The following EP300 variants were observed in gnomAD, a reference collection of about 807,000 sequenced individuals.
The protein encoded by EP300 is EP300 lysine acetyltransferase.
EP300 carries 31 observed loss-of-function variants against 264.0 expected under a neutral mutation model. The ratio of observed to expected loss-of-function variants is 0.12; its 90% CI spans 0.09 to 0.16. The LOEUF is 0.16. Among genes scored for constraint, EP300 ranks in the 10% least tolerant of loss-of-function variants. EP300 has a pLI of 1.00. For synonymous variants in EP300, 1,340 were observed against 1,045.4 expected (o/e 1.28, Z -5.44); for missense variants, 2,766 against 3,052.9 (o/e 0.91, Z 2.21).
Position 41,135,858 on chromosome 22 carries a change from C to A in EP300, c.1574C>A (p.Pro525Gln). 6.2e-7 allele frequency: 1 copy of A among 1,614,030 alleles called. No homozygotes were observed. The change falls in exon 7 of 31, where the codon CCG (proline) becomes CAG (glutamine). Residue 525 changes from proline to glutamine, a missense_variant. Physicochemically the swap from Pro to Gln is moderately conservative, Grantham distance 76 (BLOSUM62 -1). Transcript: ENST00000263253. ...GVNGGVGVQT[P>Q]SLLSDSMLHS... ...AATGGAGGTGTAGGAGTTCAAACGC[C>A]GAGTCTTCTTTCTGACTCAATGTTG...
intron 14 of EP300, among the ~76,000 whole-genome samples, 195 bp downstream of exon 14, chr22:41,150,393 A>G (rs1186530095): frequency 6.6e-6 from 1 of 152,198 alleles, no homozygotes; most frequent in Non-Finnish European, 1.5e-5. Context: ...GCAGGAGCAT[A>G]AAGATTTTAT....
chr22:41,179,109 C>T lies in EP300; in HGVS notation c.*153C>T. The stretch of plus-strand genomic sequence containing the variant: ...TGCAGTAGCCGTTTGTGGTTTAAAG[C>T]AAACATGCAAGATGAACCTGAGGGA... On this transcript the variant is annotated 3_prime_UTR_variant, in exon 31 of 31. Transcript: ENST00000263253. 1 of 812,748 alleles carries T rather than the reference C, an allele frequency of 1.2e-6. No individual in the cohort carries two copies. Among genetic ancestry groups the T allele is most frequent in the Non-Finnish European group, 1.9e-6 (1 of 522,336 alleles). 50.3% of individuals were successfully genotyped at this position (812,748 alleles called of 1,614,324 possible).
chr22:41,154,718 G>A (rs999476898), intron 16 of EP300, among the ~76,000 whole-genome samples: 5 of 152,056 alleles, frequency 3.3e-5, no homozygotes, highest in Non-Finnish European at 5.9e-5. Context: ...CTAATTGACC[G>A]AGTCTGTCTT....
Position 41,160,660 on chromosome 22 carries a change from G to T in EP300, c.3609G>T (p.Lys1203Asn). The change falls in exon 20 of 31, where the codon AAG (lysine) becomes AAT (asparagine). Residue 1203 changes from lysine (K) to asparagine (N), a missense_variant. Coordinates refer to ENST00000263253, the MANE Select transcript of EP300 (RefSeq NM_001429.4). Reference sequence around the variant, plus strand: ...CCGACAGGTATCATTTCTGTGAGAAGTGTTTCAATGAGATCCAAGGGGAGA... The same window carrying T: ...CCGACAGGTATCATTTCTGTGAGAATTGTTTCAATGAGATCCAAGGGGAGA... ...SYQNRYHFCE[K>N]CFNEIQGESV... 1 of 1,614,084 alleles carries T rather than the reference G, an allele frequency of 6.2e-7. No homozygotes were observed. The highest frequency in any genetic ancestry group is 8.5e-7 in the Non-Finnish European group (1 of 1,179,970).
intron 2 of EP300, among the ~76,000 whole-genome samples, chr22:41,125,322 G>A (rs2145706554): frequency 1.3e-5 from 2 of 151,772 alleles, no homozygotes. Flanking sequence ...GTTTCACCAT[G>A]TTAGCCAGGA....
At chr22:41,146,112 A>C (rs1170015986) in intron 10 of EP300, among the ~76,000 whole-genome samples, 2 of 151,894 alleles carry the variant, frequency 1.3e-5, no homozygotes, top group Non-Finnish European at 2.9e-5. Context: ...TTGCATGCCA[A>C]CCAGACTCAG....
rs779436208 is a variant in EP300, at chr22:41,177,994, T to C, written c.6283T>C (p.Ser2095Pro). Residue 2095 changes from serine to proline, a missense_variant, in exon 31 of 31, where the codon TCT (serine) becomes CCT (proline). Physicochemically the swap from Ser to Pro is moderately conservative, Grantham distance 74 (BLOSUM62 -1). Transcript: ENST00000263253. ...IKQRAAKYANSNPQPIPGQPG... is the reference protein window; with the variant it reads ...IKQRAAKYANPNPQPIPGQPG... ...GCAGCGGGCTGCCAAGTATGCCAAC[T>C]CTAATCCACAACCCATCCCTGGGCA... is the stretch of plus-strand genomic sequence containing the variant. 2.2e-5 allele frequency: 36 copies of C among 1,613,976 alleles called. No homozygotes were observed. Among genetic ancestry groups the C allele is most frequent in the Non-Finnish European group, 3.1e-5 (36 of 1,180,008 alleles).
rs2145524514 is a variant in EP300, at chr22:41,178,882, A to G, written c.7171A>G (p.Thr2391Ala). Residue 2391 changes from threonine (T) to alanine (A), a missense_variant, in exon 31 of 31, where the codon ACG becomes GCG. Coordinates refer to ENST00000263253, the MANE Select transcript of EP300 (RefSeq NM_001429.4). ...GGCAAACCTCCATGGTGCAAGCGCC[A>G]CGGACCTGGGACTCAGCACCGATAA... ...GMANLHGASA[T>A]DLGLSTDNSD... The G allele has an allele frequency of 6.2e-7, 1 of 1,614,242 alleles. No individual in the cohort carries two copies. Among genetic ancestry groups the G allele is most frequent in the Non-Finnish European group, 8.5e-7 (1 of 1,180,046 alleles).
In EP300 at chr22:41,160,429, A is replaced by AAC. The variant is rs2059101563; in HGVS notation, c.3591-211_3591-210dup. 1.2e-5 allele frequency: 6 copies of AAC among 520,480 alleles called. No individual in the cohort carries two copies. The South Asian group carries it at 1.4e-4, about 12-fold the overall frequency. 32.2% of individuals were successfully genotyped at this position (520,480 alleles called of 1,614,324 possible). Reference sequence around the variant, plus strand: ...ACTTGGCTTTGATTGCAAAAAAAAAAACAAAAAAAAACAAAAAAACAAACA... The same window carrying AAC: ...ACTTGGCTTTGATTGCAAAAAAAAAAACACAAAAAAAAACAAAAAAACAAACA... On this transcript the variant is annotated intron_variant, in intron 19 of 30. Coordinates refer to ENST00000263253, the MANE Select transcript of EP300 (RefSeq NM_001429.4).
intron 1 of EP300, among the ~76,000 whole-genome samples, chr22:41,114,502 G>A (rs2058810879): frequency 6.6e-6 from 1 of 152,168 alleles, no homozygotes; most frequent in South Asian, 2.1e-4. Context: ...TGATGGAGGA[G>A]CCCATATGAT....
intron 20 of EP300, 59 bp downstream of exon 20, chr22:41,160,781 C>A (rs2145752768): frequency 6.9e-7 from 1 of 1,455,924 alleles, no homozygotes. Context: ...TGATTATGCA[C>A]AGCTTATTTC....
chr22:41,135,946 A>G, intron 7 of EP300, 40 bp downstream of exon 7: 2 of 1,400,232 alleles, frequency 1.4e-6, no homozygotes, highest in Non-Finnish European at 1.0e-6. Flanking sequence ...TCACATTACA[A>G]ATACTACTGG....
chr22:41,118,186 T>C (rs908350690), intron 2 of EP300, among the ~76,000 whole-genome samples: 4 of 152,302 alleles, frequency 2.6e-5, no homozygotes, highest in Middle Eastern at 3.4e-3. Flanking sequence ...TCCTATTGCT[T>C]TGAATGTCCC....
intron 1 of EP300, among the ~76,000 whole-genome samples, chr22:41,114,160 C>T (rs1034873390): frequency 6.6e-6 from 1 of 152,034 alleles, no homozygotes; most frequent in Non-Finnish European, 1.5e-5. Context: ...AGTTTTGTTA[C>T]ACATTTGGGT....
intron 1 of EP300, among the ~76,000 whole-genome samples, chr22:41,112,564 G>A: frequency 6.6e-6 from 1 of 152,090 alleles, no homozygotes; most frequent in East Asian, 1.9e-4. Flanking sequence ...AGATGTTCTG[G>A]TGTCCCCTGG....
At position 41,092,937 on chromosome 22, in the gene EP300, C is replaced by T. The variant is rs1290550129; in HGVS notation, c.-68C>T. On this transcript the variant is annotated 5_prime_UTR_variant, in exon 1 of 31. Coordinates refer to ENST00000263253, the MANE Select transcript of EP300 (RefSeq NM_001429.4). The stretch of plus-strand genomic sequence containing the variant: ...CCACCCCTGGGTGCGGCGCGGGGAC[C>T]CCGGGCCGAAGAAGAGATTTCCTGA... 5 of 1,588,798 alleles carry T rather than the reference C, an allele frequency of 3.1e-6. No individual in the cohort carries two copies. Among genetic ancestry groups the T allele is most frequent in the Admixed American group, 3.3e-5 (2 of 59,982 alleles).
intron 3 of EP300, among the ~76,000 whole-genome samples, chr22:41,127,186 T>C (rs1382935718): frequency 2.0e-5 from 3 of 152,196 alleles, no homozygotes; most frequent in African/African-American, 4.8e-5. Flanking sequence ...GGGTGTGCTT[T>C]TAACTACAGA....
At position 41,162,712 on chromosome 22, in the gene EP300, T is replaced by G. The variant is rs2145754763; in HGVS notation, c.3672-11T>G. The G allele has an allele frequency of 6.2e-7, 1 of 1,606,518 alleles. No individual in the cohort carries two copies. The highest frequency in any genetic ancestry group is 1.1e-5 in the South Asian group (1 of 90,910). Reference sequence around the variant, plus strand: ...TCACTTTTTCTCATTGTGTCCCTTTTCTCTCCTTAGTACAATAAATAAAGA... The same window carrying G: ...TCACTTTTTCTCATTGTGTCCCTTTGCTCTCCTTAGTACAATAAATAAAGA... On this transcript the variant is annotated splice_polypyrimidine_tract_variant and intron_variant, in intron 20 of 30. Transcript: ENST00000263253.
Position 41,140,141 on chromosome 22 carries a change from G to A in EP300, c.1762G>A (p.Val588Ile), listed in dbSNP as rs1457616974. 3.1e-6 allele frequency: 5 copies of A among 1,610,984 alleles called. No homozygotes were observed. Among genetic ancestry groups the A allele is most frequent in the Non-Finnish European group, 4.2e-6 (5 of 1,177,372 alleles). ...DLRNHLVHKL[V>I]QAIFPTPDPA... ...AGTGGTAGGATTTTCTTTTTCCAGC[G>A]TCCAAGCCATATTTCCTACGCCGGA... Residue 588 changes from valine (V) to isoleucine (I), a missense_variant and splice_region_variant, in exon 9 of 31, where the codon GTC (valine) becomes ATC (isoleucine). Physicochemically the swap from Val to Ile is conservative, Grantham distance 29 (BLOSUM62 3). Coordinates refer to ENST00000263253, the MANE Select transcript of EP300 (RefSeq NM_001429.4).
Sources: gnomAD v4.1 joint callset for allele counts (sites outside exome capture counted in the v4.1 genomes callset) on GRCh38, gnomAD v4.1.1 for gene constraint, MANE v1.5 for transcripts, NCBI Gene and HGNC (gene_info 2026-07-23, HGNC 2026-07-21) for gene names.